Variants in GCKR observed in about 807,000 individuals in gnomAD.
The protein encoded by GCKR is glucokinase regulator, also known as glucokinase regulatory protein.
In GCKR, 73 loss-of-function variants were observed where a neutral mutation model predicts 82.9. The ratio of observed to expected loss-of-function variants is 0.88; its 90% CI spans 0.73 to 1.07. GCKR has a LOEUF of 1.07. GCKR is among the 50% of genes least tolerant of loss of function. The pLI is 0.00. For synonymous variants in GCKR, 294 were observed against 291.8 expected (o/e 1.01, Z -0.08); for missense variants, 784 against 782.1 (o/e 1.00, Z -0.03).
At chr2:27,506,143 A>C (rs1443871190) in intron 10 of GCKR, among the ~76,000 whole-genome samples, 1 of 152,086 alleles carries the variant, frequency 6.6e-6, no homozygotes, top group Non-Finnish European at 1.5e-5. Flanking sequence ...CAGGCCATGC[A>C]GGTAGAGCTT....
chr2:27,498,380 G>T lies in GCKR; in HGVS notation c.354+57G>T, dbSNP rs950118296. 4.6e-6 allele frequency: 6 copies of T among 1,318,392 alleles called. No homozygotes were observed. In the Admixed American group the frequency reaches 5.0e-5, roughly 11 times the overall value. The allele number at this position is 1,318,392 out of a possible 1,614,324, so 81.7% of individuals were successfully genotyped here. A position where few individuals can be genotyped will look rare whatever the true frequency, so the allele number is the denominator to read the frequency against. ...CTCCACTTCTGGAGGTGACCCTCAG[G>T]ACCATAAAGATCATCATAACTAAGC... On this transcript the variant is annotated intron_variant, in intron 4 of 18. Coordinates refer to ENST00000264717, the MANE Select transcript of GCKR (RefSeq NM_001486.4).
chr2:27,509,323 C>T (rs1669823924), intron 16 of GCKR, among the ~76,000 whole-genome samples: 1 of 152,138 alleles, frequency 6.6e-6, no homozygotes, highest in South Asian at 2.1e-4. Context: ...GGAATCCACT[C>T]TCCTTCCAAT....
intron 18 of GCKR, among the ~76,000 whole-genome samples, chr2:27,523,062 C>A (rs1670189535): frequency 6.6e-6 from 1 of 152,122 alleles, no homozygotes; most frequent in Non-Finnish European, 1.5e-5. Flanking sequence ...CAATGCCTGG[C>A]TAATTTTTGT....
chr2:27,520,746 G>A (rs1408496940), intron 17 of GCKR, among the ~76,000 whole-genome samples: 5 of 152,122 alleles, frequency 3.3e-5, no homozygotes, highest in African/African-American at 1.2e-4. Context: ...CCCAAATTGA[G>A]GTGGGCTGGC....
At chr2:27,516,066 C>T (rs941315908) in intron 16 of GCKR, among the ~76,000 whole-genome samples, 5 of 150,952 alleles carry the variant, frequency 3.3e-5, no homozygotes, top group African/African-American at 9.7e-5. Flanking sequence ...GGTGAGCCAC[C>T]GTGCCTGGCT....
At chr2:27,518,099 G>A (rs573689563) in intron 16 of GCKR, among the ~76,000 whole-genome samples, 1 of 152,208 alleles carries the variant, frequency 6.6e-6, no homozygotes, top group South Asian at 2.1e-4. Context: ...AGGCTGGAGT[G>A]CAGTGGCACA....
chr2:27,506,667 T>C, intron 11 of GCKR, 88 bp downstream of exon 11: 1 of 1,114,128 alleles, frequency 9.0e-7, no homozygotes, highest in Non-Finnish European at 1.4e-6. Flanking sequence ...GTTAACACGG[T>C]ATGGGCGATA....
chr2:27,497,529 T>G (rs1669444808), intron 2 of GCKR, 33 bp from the exon 3 acceptor site: 2 of 1,587,810 alleles, frequency 1.3e-6, no homozygotes, highest in Admixed American at 1.7e-5. Flanking sequence ...GTCCTCCTTT[T>G]CTTGGCTTCT....
intron 8 of GCKR, 54 bp downstream of exon 8, chr2:27,501,283 T>A: frequency 1.8e-6 from 2 of 1,131,200 alleles, no homozygotes; most frequent in Non-Finnish European, 2.7e-6. Context: ...GGGGAACATG[T>A]CAAAGTCTAC....
Position 27,497,262 on chromosome 2 carries a change from G to A in GCKR, c.79G>A (p.Ala27Thr), listed in dbSNP as rs746872307. 1 of 1,614,194 alleles carries A rather than the reference G, an allele frequency of 6.2e-7. No homozygotes were observed. ...CTTCTAGTTGTCTGGGTACGAGGCA[G>A]CTGTGCCAATCACGGAGAAGTCAAA... is the stretch of plus-strand genomic sequence containing the variant. ...GKWELSGYEA[A>T]VPITEKSNPL... The change falls in exon 2 of 19, where the codon GCT becomes ACT. Residue 27 changes from alanine (A) to threonine (T), a missense_variant. Ala to Thr is a moderately conservative substitution (Grantham distance 58). Coordinates refer to ENST00000264717, the MANE Select transcript of GCKR (RefSeq NM_001486.4).
At chr2:27,504,253 A>T (rs1025154754) in intron 9 of GCKR, among the ~76,000 whole-genome samples, 3 of 152,176 alleles carry the variant, frequency 2.0e-5, no homozygotes, top group African/African-American at 7.2e-5. Flanking sequence ...ATTCCATATG[A>T]CATAAGAATT....
chr2:27,522,107 A>G (rs1670165920), intron 17 of GCKR, among the ~76,000 whole-genome samples: 1 of 152,206 alleles, frequency 6.6e-6, no homozygotes, highest in Admixed American at 6.5e-5. Flanking sequence ...GCAGATGAAC[A>G]GTCTTACATT....
rs1472505066 is a variant in GCKR at position 27,523,364 on chromosome 2, C to A, written c.1803C>A (p.Val601=). The change falls in exon 19 of 19, where the codon GTC becomes GTA. Residue 601 remains valine, a synonymous_variant. Transcript: ENST00000264717. ...CAGCTCCTTCTGTCTGTGAGGCTGTCAGGAGTGCTCTTGCTGGGCCAGGTC... is the reference window on the plus strand; with the variant it reads ...CAGCTCCTTCTGTCTGTGAGGCTGTAAGGAGTGCTCTTGCTGGGCCAGGTC... ...LAAAPSVCEA[V]RSALAGPGQK... 5.0e-6 allele frequency: 8 copies of A among 1,612,644 alleles called. No individual in the cohort carries two copies. The highest frequency in any genetic ancestry group is 5.9e-6 in the Non-Finnish European group (7 of 1,179,946).
chr2:27,521,169 CTAA>C (rs1478796000), intron 17 of GCKR, among the ~76,000 whole-genome samples: 3 of 152,034 alleles, frequency 2.0e-5, no homozygotes, highest in African/African-American at 7.2e-5. Flanking sequence ...AAATATCTGA[CTAA>C]TAATGTTTAA....
intron 18 of GCKR, 125 bp downstream of exon 18, chr2:27,522,719 A>T: frequency 2.4e-6 from 2 of 817,734 alleles, no homozygotes; most frequent in Non-Finnish European, 2.1e-6. Context: ...CTCCACATTC[A>T]TGGGGTCTTT....
At chr2:27,515,767 T>TATATATA (rs1558441520) in intron 16 of GCKR, among the ~76,000 whole-genome samples, 1 of 72,006 alleles carries the variant, frequency 1.4e-5, no homozygotes, top group African/African-American at 6.5e-5. Flanking sequence ...ATATATATAT[T>TATATATA]TTTTTTTTTT....
Position 27,507,813 on chromosome 2 carries a change from G to A in GCKR, c.1240+36G>A, listed in dbSNP as rs368380549. ...AGATGGGAGTGGTGAGGGGTGGGGA[G>A]GGGGAAATAGAATGGTTCAGAGGAG... On this transcript the variant is annotated intron_variant, in intron 14 of 18. Coordinates refer to ENST00000264717, the MANE Select transcript of GCKR (RefSeq NM_001486.4). 17 of 1,301,644 alleles carry A rather than the reference G, an allele frequency of 1.3e-5. No homozygotes were observed. The African/African-American group carries it at 2.0e-4, about 16-fold the overall frequency. 80.6% of individuals were successfully genotyped at this position (1,301,644 alleles called of 1,614,324 possible).
In GCKR at chr2:27,523,428, G is replaced by A; in HGVS notation, c.1867G>A (p.Asp623Asn). ...GGACCCCCTCGAGATCCTAGAGCCTGACGTTCAGTGAACCCATGTTTCTGG... is the reference window on the plus strand; with the variant it reads ...GGACCCCCTCGAGATCCTAGAGCCTAACGTTCAGTGAACCCATGTTTCTGG... ...TADPLEILEP[D>N]VQ Residue 623 changes from aspartate (D) to asparagine (N), a missense_variant, in exon 19 of 19, where the codon GAC (aspartate) becomes AAC (asparagine). Physicochemically the swap from Asp to Asn is conservative, Grantham distance 23. Coordinates refer to ENST00000264717, the MANE Select transcript of GCKR (RefSeq NM_001486.4). 5 of 1,606,590 alleles carry A rather than the reference G, an allele frequency of 3.1e-6. No individual in the cohort carries two copies. The highest frequency in any genetic ancestry group is 3.4e-6 in the Non-Finnish European group (4 of 1,179,978).
Position 27,523,454 on chromosome 2 carries a change from G to A in GCKR, c.*15G>A, listed in dbSNP as rs1274665841. ...ACGTTCAGTGAACCCATGTTTCTGG[G>A]TGGGTGAAAGGGGCCCAACCCTGCC... On this transcript the variant is annotated 3_prime_UTR_variant, in exon 19 of 19. Transcript: ENST00000264717. 1.2e-6 allele frequency: 2 copies of A among 1,602,254 alleles called. No homozygotes were observed. The highest frequency in any genetic ancestry group is 1.7e-5 in the Admixed American group (1 of 60,004).
Sources: allele counts gnomAD v4.1 joint callset (sites outside exome capture counted in the v4.1 genomes callset), GRCh38; gene constraint gnomAD v4.1.1; transcripts MANE v1.5; gene names NCBI Gene and HGNC (gene_info 2026-07-23, HGNC 2026-07-21).